Variants in FHOD3 observed in about 807,000 individuals in gnomAD.
FHOD3 encodes formin homology 2 domain containing 3, also known as FH1/FH2 domain-containing protein 3.
In FHOD3, 90 loss-of-function variants were observed where a neutral mutation model predicts 173.0. That is an observed-to-expected ratio of 0.52 (90% CI 0.44 to 0.62). The LOEUF (loss-of-function observed/expected upper bound fraction) is 0.62. Ranked by LOEUF, FHOD3 falls within the 20% of genes least tolerant of loss-of-function variation. The pLI is 0.00. For synonymous variants in FHOD3, 828 were observed against 823.0 expected (o/e 1.01, Z -0.10); for missense variants, 1,945 against 2,034.7 (o/e 0.96, Z 0.85).
At chr18:36,320,316 C>G (rs1030581289) in intron 1 of FHOD3, among the ~76,000 whole-genome samples, 7 of 152,112 alleles carry the variant, frequency 4.6e-5, no homozygotes, top group Non-Finnish European at 8.8e-5. Flanking sequence ...CCACCGATCC[C>G]ACAGAAATAC....
chr18:36,329,496 A>C (rs1315025002), intron 1 of FHOD3, among the ~76,000 whole-genome samples: 2 of 152,130 alleles, frequency 1.3e-5, no homozygotes, highest in Non-Finnish European at 2.9e-5. Flanking sequence ...TGTCATGTAG[A>C]CTTACATCTT....
chr18:36,563,007 C>T (rs952347011), intron 5 of FHOD3, among the ~76,000 whole-genome samples: 1 of 152,160 alleles, frequency 6.6e-6, no homozygotes, highest in African/African-American at 2.4e-5. Context: ...TCGCAGGACA[C>T]AGTTTATGTG....
In FHOD3 at chr18:36,681,091, C is replaced by T. The variant is rs575633680; in HGVS notation, c.1836-345C>T. 1.4e-4 allele frequency among the ~76,000 whole-genome samples: 22 copies of T among 152,166 alleles called. No individual in the cohort carries two copies. In the East Asian group the frequency reaches 1.5e-3, roughly 11 times the overall value. ...TTGAAAGCTGATTCTAGCTCATCTACGTCTTAACATAGACCAACTGTAAAA... is the reference window on the plus strand; with the variant it reads ...TTGAAAGCTGATTCTAGCTCATCTATGTCTTAACATAGACCAACTGTAAAA... On this transcript the variant is annotated intron_variant, in intron 14 of 28. Coordinates refer to ENST00000590592, the MANE Select transcript of FHOD3 (RefSeq NM_001281740.3).
chr18:36,319,318 A>C (rs540169732), intron 1 of FHOD3, among the ~76,000 whole-genome samples: 1 of 152,328 alleles, frequency 6.6e-6, no homozygotes, highest in South Asian at 2.1e-4. Context: ...TAAATAAATA[A>C]AGGGCAGGGA....
At chr18:36,312,332 C>CA (rs2092277769) in intron 1 of FHOD3, among the ~76,000 whole-genome samples, 1 of 152,174 alleles carries the variant, frequency 6.6e-6, no homozygotes, top group African/African-American at 2.4e-5. Context: ...CTCCTCCTCA[C>CA]AGTCACCCTC....
chr18:36,557,147 T>C (rs544591302), intron 5 of FHOD3, among the ~76,000 whole-genome samples: 24 of 152,286 alleles, frequency 1.6e-4, no homozygotes, highest in South Asian at 8.3e-4. Flanking sequence ...TTCTTCATGT[T>C]TCTTCTAATT....
At chr18:36,320,853 T>A (rs1255532758) in intron 1 of FHOD3, among the ~76,000 whole-genome samples, 2 of 152,182 alleles carry the variant, frequency 1.3e-5, no homozygotes, top group Non-Finnish European at 2.9e-5. Context: ...CTTTTAAGCA[T>A]TGGAGAAATA....
chr18:36,686,481 C>A (rs762386999), intron 15 of FHOD3, among the ~76,000 whole-genome samples: 18 of 150,248 alleles, frequency 1.2e-4, no homozygotes, highest in Non-Finnish European at 2.7e-4. Context: ...CACACTGGGG[C>A]CTGTCAGTGG....
chr18:36,522,770 G>A lies in FHOD3; in HGVS notation c.511+10227G>A, dbSNP rs561650874. Among the ~76,000 whole-genome samples the A allele has an allele frequency of 4.5e-4, 69 of 152,296 alleles. No individual in the cohort carries two copies. In the South Asian group the frequency reaches 8.9e-3, roughly 20 times the overall value. Reference sequence around the variant, plus strand: ...CATGGCTGTGTTGATCTTGTTGAGTGTTTTATGGGTGATTCCGGGTAAGCA... The same window carrying A: ...CATGGCTGTGTTGATCTTGTTGAGTATTTTATGGGTGATTCCGGGTAAGCA... On this transcript the variant is annotated intron_variant, in intron 5 of 28. Coordinates refer to ENST00000590592, the MANE Select transcript of FHOD3 (RefSeq NM_001281740.3).
At chr18:36,607,322 C>G (rs182747368) in intron 8 of FHOD3, among the ~76,000 whole-genome samples, 44 of 152,286 alleles carry the variant, frequency 2.9e-4, no homozygotes, top group African/African-American at 9.9e-4. Context: ...TGAGTCACAG[C>G]TGGGGTGGCC....
At chr18:36,541,870 G>T (rs931474787) in intron 5 of FHOD3, among the ~76,000 whole-genome samples, 3 of 152,204 alleles carry the variant, frequency 2.0e-5, no homozygotes, top group African/African-American at 7.2e-5. Flanking sequence ...TTCTGAGAAG[G>T]TAATGCCCTT....
intron 4 of FHOD3, among the ~76,000 whole-genome samples, chr18:36,504,647 G>T (rs1349531207): frequency 6.6e-6 from 1 of 151,976 alleles, no homozygotes; most frequent in South Asian, 2.1e-4. Flanking sequence ...AATGCTAAAT[G>T]ACGAGTTAAT....
In FHOD3 at chr18:36,324,595, G is replaced by A. The variant is rs142661154; in HGVS notation, c.165+26595G>A. ...GGGAAGAGACTTGAATAGGTACTCC[G>A]TTCAAGATGGTACCCAAATGACCAG... On this transcript the variant is annotated intron_variant, in intron 1 of 28. Coordinates refer to ENST00000590592, the MANE Select transcript of FHOD3 (RefSeq NM_001281740.3). Among the ~76,000 whole-genome samples, 1,213 of 152,276 alleles carry A rather than the reference G, an allele frequency of 8.0e-3. 8 individuals are homozygous for A. Among genetic ancestry groups the A allele is most frequent in the Non-Finnish European group, 0.013 (856 of 68,016 alleles).
chr18:36,373,550 G>A (rs1055728642), intron 3 of FHOD3, among the ~76,000 whole-genome samples: 1 of 152,230 alleles, frequency 6.6e-6, no homozygotes, highest in Non-Finnish European at 1.5e-5. Flanking sequence ...GCTGGAGATG[G>A]AGGGAAATCC....
chr18:36,420,956 T>A (rs2049953338), intron 3 of FHOD3, among the ~76,000 whole-genome samples: 1 of 152,184 alleles, frequency 6.6e-6, no homozygotes, highest in African/African-American at 2.4e-5. Flanking sequence ...TTTATCACTG[T>A]CTCTTTCACC....
chr18:36,598,212 G>C (rs1489847020), intron 7 of FHOD3, among the ~76,000 whole-genome samples: 1 of 152,116 alleles, frequency 6.6e-6, no homozygotes, highest in Admixed American at 6.5e-5. Context: ...CCTCAGCAGG[G>C]ATGAGTGGAC....
At chr18:36,658,269 A>G in intron 14 of FHOD3, 81 bp downstream of exon 14, 1 of 912,914 alleles carries the variant, frequency 1.1e-6, no homozygotes, top group Non-Finnish European at 1.7e-6. Flanking sequence ...TAAAGGAAAA[A>G]TATAAATAAA....
chr18:36,343,161 C>G (rs2045710270), intron 1 of FHOD3, among the ~76,000 whole-genome samples: 1 of 152,062 alleles, frequency 6.6e-6, no homozygotes, highest in Non-Finnish European at 1.5e-5. Flanking sequence ...GGTATATACC[C>G]AAGAGAGGTG....
chr18:36,316,660 T>TG (rs969587133), intron 1 of FHOD3, among the ~76,000 whole-genome samples: 94 of 152,338 alleles, frequency 6.2e-4, no homozygotes, highest in African/African-American at 2.2e-3. Context: ...AGGCAAACTG[T>TG]AAGAGCCCAC....
Sources: allele counts gnomAD v4.1 joint callset (sites outside exome capture counted in the v4.1 genomes callset), GRCh38; gene constraint gnomAD v4.1.1; transcripts MANE v1.5; gene names NCBI Gene and HGNC (gene_info 2026-07-23, HGNC 2026-07-21).